Variants in HS3ST5 observed in about 807,000 individuals in gnomAD.
HS3ST5 encodes heparan sulfate glucosamine 3-O-sulfotransferase 5.
In HS3ST5, 10 loss-of-function variants were observed where a neutral mutation model predicts 25.4. That is an observed-to-expected ratio of 0.39 (90% CI 0.24 to 0.67). The LOEUF is 0.67. Among genes scored for constraint, HS3ST5 ranks in the 30% least tolerant of loss-of-function variants. The pLI is 0.44. For missense variants in HS3ST5, 324 were observed against 420.7 expected (o/e 0.77, Z 2.01); for synonymous variants, 170 against 162.4 (o/e 1.05, Z -0.36).
chr6:114,272,648 A>G (rs1464999245), intron 1 of HS3ST5, among the ~76,000 whole-genome samples: 3 of 152,136 alleles, frequency 2.0e-5, no homozygotes, highest in Non-Finnish European at 4.4e-5. Flanking sequence ...CCCTGAGCCC[A>G]GCCTTCAGCC....
chr6:114,096,043 T>G (rs1775406264), intron 3 of HS3ST5, among the ~76,000 whole-genome samples: 2 of 152,292 alleles, frequency 1.3e-5, no homozygotes, highest in Non-Finnish European at 2.9e-5. Flanking sequence ...TAAGACTACC[T>G]TCACCTTACC....
intron 3 of HS3ST5, among the ~76,000 whole-genome samples, chr6:114,125,978 A>G (rs1777018984): frequency 1.3e-5 from 2 of 152,204 alleles, no homozygotes; most frequent in South Asian, 4.1e-4. Flanking sequence ...AAATACCTAT[A>G]GGAGGCCATT....
At chr6:114,285,717 A>G (rs1425705827) in intron 1 of HS3ST5, among the ~76,000 whole-genome samples, 1 of 152,016 alleles carries the variant, frequency 6.6e-6, no homozygotes, top group African/African-American at 2.4e-5. Flanking sequence ...ATAGCTATGC[A>G]TGGAGGGCTT....
intron 2 of HS3ST5, among the ~76,000 whole-genome samples, chr6:114,190,612 C>T (rs906647345): frequency 1.3e-5 from 2 of 152,142 alleles, no homozygotes; most frequent in African/African-American, 2.4e-5. Context: ...GTCCCTGATA[C>T]GTATTTGTCA....
At chr6:114,246,051 T>C (rs142910245) in intron 1 of HS3ST5, among the ~76,000 whole-genome samples, 5 of 149,824 alleles carry the variant, frequency 3.3e-5, no homozygotes, top group South Asian at 4.3e-4. Context: ...GCAAACTGAA[T>C]AAGATTTTTC....
intron 3 of HS3ST5, among the ~76,000 whole-genome samples, chr6:114,075,855 C>G (rs930386828): frequency 1.3e-5 from 2 of 152,130 alleles, no homozygotes; most frequent in African/African-American, 4.8e-5. Context: ...GTTCTGTGGT[C>G]GTCCTTGAGG....
intron 3 of HS3ST5, among the ~76,000 whole-genome samples, chr6:114,137,467 G>A (rs1010562012): frequency 1.3e-5 from 2 of 152,040 alleles, no homozygotes; most frequent in African/African-American, 2.4e-5. Context: ...TTTTGAACTT[G>A]GTGTTGCTCC....
At chr6:114,166,025 TA>T (rs967463242) in intron 3 of HS3ST5, among the ~76,000 whole-genome samples, 1 of 151,940 alleles carries the variant, frequency 6.6e-6, no homozygotes, top group African/African-American at 2.4e-5. Flanking sequence ...TAAAAAACTT[TA>T]AAAAATAAAT....
intron 1 of HS3ST5, among the ~76,000 whole-genome samples, chr6:114,265,621 T>C (rs1161860470): frequency 6.6e-6 from 1 of 152,178 alleles, no homozygotes; most frequent in Non-Finnish European, 1.5e-5. Flanking sequence ...ACACGGGTTC[T>C]AGCAAAAGGA....
intron 3 of HS3ST5, chr6:114,084,512 C>G (rs919351408): frequency 1.6e-5 from 12 of 758,380 alleles, no homozygotes; most frequent in Non-Finnish European, 1.4e-5. Context: ...ATGCGCAGAA[C>G]TTCCCGAGCC....
At chr6:114,108,716 G>C (rs1776113183) in intron 3 of HS3ST5, among the ~76,000 whole-genome samples, 1 of 152,152 alleles carries the variant, frequency 6.6e-6, no homozygotes, top group Non-Finnish European at 1.5e-5. Flanking sequence ...AGATAACAAA[G>C]AGGCATAAGG....
At chr6:114,220,483 G>A (rs1781979493) in intron 2 of HS3ST5, among the ~76,000 whole-genome samples, 1 of 151,838 alleles carries the variant, frequency 6.6e-6, no homozygotes, top group South Asian at 2.1e-4. Context: ...CACTTCCTAA[G>A]GACTCGGAGG....
At chr6:114,317,425 G>C (rs1032750140) in intron 1 of HS3ST5, among the ~76,000 whole-genome samples, 5 of 152,102 alleles carry the variant, frequency 3.3e-5, no homozygotes, top group African/African-American at 4.8e-5. Flanking sequence ...CCTTAAGAAT[G>C]AGGTGCTAAC....
chr6:114,213,614 A>G (rs1019716692), intron 2 of HS3ST5, among the ~76,000 whole-genome samples: 4 of 151,998 alleles, frequency 2.6e-5, no homozygotes, highest in African/African-American at 7.3e-5. Context: ...CCAATTTAAG[A>G]TATTTCCTCC....
chr6:114,270,930 G>T (rs1384920481), intron 1 of HS3ST5, among the ~76,000 whole-genome samples: 1 of 151,722 alleles, frequency 6.6e-6, no homozygotes, highest in Non-Finnish European at 1.5e-5. Context: ...ATATAATTTT[G>T]TTTAGGTTCC....
At chr6:114,130,993 G>A (rs919302972) in intron 3 of HS3ST5, among the ~76,000 whole-genome samples, 3 of 152,132 alleles carry the variant, frequency 2.0e-5, no homozygotes, top group Non-Finnish European at 4.4e-5. Flanking sequence ...AGTGAACTAT[G>A]ATCATGCCAC....
chr6:114,142,595 A>G (rs1413858477), intron 3 of HS3ST5, among the ~76,000 whole-genome samples: 3 of 152,226 alleles, frequency 2.0e-5, no homozygotes, highest in Admixed American at 1.3e-4. Context: ...GAATAATTAT[A>G]TAATCAATAG....
In HS3ST5 at chr6:114,096,127, C is replaced by T. The variant is rs80344025; in HGVS notation, c.-32-33250G>A. ...ACCTATTAAGAAGGATAATTTTAGG[C>T]AAGGGCAGAGGCTTTGTGGGTATCC... On this transcript the variant is annotated intron_variant, in intron 3 of 4. Transcript: ENST00000312719. 7.8e-3 allele frequency among the ~76,000 whole-genome samples: 1,193 copies of T among 152,220 alleles called. 19 individuals carry two copies. The highest frequency in any genetic ancestry group is 0.027 in the African/African-American group (1,122 of 41,536).
intron 2 of HS3ST5, among the ~76,000 whole-genome samples, chr6:114,182,921 G>A (rs2115027363): frequency 6.6e-6 from 1 of 152,248 alleles, no homozygotes; most frequent in Middle Eastern, 3.4e-3. Flanking sequence ...TTAGTTAAGG[G>A]TCTGAATAGA....
Sources: allele counts gnomAD v4.1 joint callset (sites outside exome capture counted in the v4.1 genomes callset), GRCh38; gene constraint gnomAD v4.1.1; transcripts MANE v1.5; gene names NCBI Gene and HGNC (gene_info 2026-07-23, HGNC 2026-07-21).